The following ATP7B variants were observed in gnomAD, a reference collection of about 807,000 sequenced individuals.
The protein encoded by ATP7B is copper-transporting ATPase 2.
ATP7B carries 113 observed loss-of-function variants against 118.9 expected under a neutral mutation model. That is an observed-to-expected ratio of 0.95 (90% CI 0.82 to 1.11). The LOEUF (loss-of-function observed/expected upper bound fraction) is 1.11, where lower values mean the gene tolerates loss of function less well. ATP7B is among the 50% of genes most tolerant of loss of function. ATP7B has a pLI of 0.00. For missense variants in ATP7B, 1,867 were observed against 1,871.4 expected, an observed-to-expected ratio of 1.00 and a Z score of 0.04; for synonymous variants, 777 against 727.4, an observed-to-expected ratio of 1.07 and a Z score of -1.10.
chr13:51,987,710 C>CA (rs921565336), intron 1 of ATP7B, among the ~76,000 whole-genome samples: 1 of 152,178 alleles, frequency 6.6e-6, no homozygotes, highest in African/African-American at 2.4e-5. Context: ...GGTACCAAAA[C>CA]AGAGATATAG....
At chr13:51,965,867 G>T (rs1007915393) in intron 4 of ATP7B, among the ~76,000 whole-genome samples, 3 of 152,172 alleles carry the variant, frequency 2.0e-5, no homozygotes, top group African/African-American at 7.2e-5. Context: ...GGAGCTGCAT[G>T]CTGAAATTCG....
chr13:51,957,720 C>T, intron 8 of ATP7B, 113 bp from the exon 9 acceptor site: 1 of 1,001,732 alleles, frequency 1.0e-6, no homozygotes, highest in Non-Finnish European at 1.6e-6. Flanking sequence ...GAAACAGCCG[C>T]ACGGCACGAT....
chr13:51,952,561 T>C (rs959138841), intron 9 of ATP7B, among the ~76,000 whole-genome samples: 4 of 152,214 alleles, frequency 2.6e-5, no homozygotes, highest in Non-Finnish European at 4.4e-5. Flanking sequence ...GTGAGTCTTA[T>C]TACCCCCATT....
At chr13:51,989,657 G>T (rs757749866) in intron 1 of ATP7B, among the ~76,000 whole-genome samples, 1 of 152,114 alleles carries the variant, frequency 6.6e-6, no homozygotes, top group Non-Finnish European at 1.5e-5. Flanking sequence ...ATAAGACAGG[G>T]TATCGTCTCC....
intron 3 of ATP7B, among the ~76,000 whole-genome samples, chr13:51,969,621 AAAGG>A (rs1791628133): frequency 6.6e-6 from 1 of 152,206 alleles, no homozygotes; most frequent in South Asian, 2.1e-4. Context: ...CAAATAAATG[AAAGG>A]AAGGAAGTGC....
At chr13:51,995,961 G>A (rs144777204) in intron 1 of ATP7B, among the ~76,000 whole-genome samples, 79 of 152,260 alleles carry the variant, frequency 5.2e-4, no homozygotes, top group African/African-American at 1.6e-3. Flanking sequence ...TTGGCCATGT[G>A]CACTCCTAGA....
In ATP7B at chr13:51,977,331, C is replaced by A. The variant is rs1593800247; in HGVS notation, c.52-2163G>T. Among the ~76,000 whole-genome samples the A allele has an allele frequency of 2.6e-5, 4 of 151,816 alleles. No individual in the cohort carries two copies. In the South Asian group the frequency reaches 8.3e-4, roughly 31 times the overall value. On this transcript the variant is annotated intron_variant, in intron 1 of 20. Coordinates refer to ENST00000242839, the MANE Select transcript of ATP7B (RefSeq NM_000053.4). ...CAAATATTTTCTTTATATACTTATC[C>A]TATAAGCTTTTAAAATTTTTTTATT... is the stretch of plus-strand genomic sequence containing the variant.
At chr13:51,941,748 C>A (rs1172664201) in intron 15 of ATP7B, among the ~76,000 whole-genome samples, 1 of 152,184 alleles carries the variant, frequency 6.6e-6, no homozygotes, top group Non-Finnish European at 1.5e-5. Flanking sequence ...AACGGCCAGG[C>A]TCTGGAAGCT....
chr13:51,988,666 T>C (rs1566639672), intron 1 of ATP7B, among the ~76,000 whole-genome samples: 3 of 152,070 alleles, frequency 2.0e-5, no homozygotes, highest in Non-Finnish European at 4.4e-5. Flanking sequence ...CAAATGCCCA[T>C]TAATGATAGA....
intron 5 of ATP7B, among the ~76,000 whole-genome samples, chr13:51,962,956 G>A (rs1298261533): frequency 6.6e-6 from 1 of 152,082 alleles, no homozygotes; most frequent in Non-Finnish European, 1.5e-5. Context: ...GCCAGGCGTG[G>A]TGGTGCATAC....
At chr13:51,999,799 C>T (rs1234586298) in intron 1 of ATP7B, among the ~76,000 whole-genome samples, 2 of 152,318 alleles carry the variant, frequency 1.3e-5, no homozygotes, top group Middle Eastern at 3.4e-3. Flanking sequence ...CGTGCTGCCA[C>T]CTGGCAGTCC....
At position 51,968,758 on chromosome 13, in the gene ATP7B, G is replaced by A. The variant is rs190387609; in HGVS notation, c.1544-151C>T. 1.0e-5 allele frequency: 10 copies of A among 996,180 alleles called. No homozygotes were observed. The East Asian group carries it at 2.3e-4, about 23-fold the overall frequency. The allele number at this position is 996,180 out of a possible 1,614,324, so 61.7% of individuals were successfully genotyped here. A position where few individuals can be genotyped will look rare whatever the true frequency, so the allele number is the denominator to read the frequency against. On this transcript the variant is annotated intron_variant, in intron 3 of 20. Transcript: ENST00000242839. Reference sequence around the variant, plus strand: ...TGTTTGAAAATGAGGCTGCACATGAGGCTTGCTTGGAAAGCCTTCGACAAT... The same window carrying A: ...TGTTTGAAAATGAGGCTGCACATGAAGCTTGCTTGGAAAGCCTTCGACAAT...
At position 51,975,356 on chromosome 13, in the gene ATP7B, T is replaced by C. The variant is rs373596998; in HGVS notation, c.52-188A>G. ...TCTACAAAATGAAAGAGCTCTGACA[T>C]TCTTCTCTGACAGAAGCTAACTGTC... is the stretch of plus-strand genomic sequence containing the variant. On this transcript the variant is annotated intron_variant, in intron 1 of 20. Coordinates refer to ENST00000242839, the MANE Select transcript of ATP7B (RefSeq NM_000053.4). 1.3e-3 allele frequency: 1,074 copies of C among 816,726 alleles called. 3 individuals carry two copies. The highest frequency in any genetic ancestry group is 2.0e-3 in the Non-Finnish European group (939 of 471,834). 50.6% of individuals were successfully genotyped at this position (816,726 alleles called of 1,614,324 possible).
At chr13:52,004,053 T>A (rs1320953634) in intron 1 of ATP7B, among the ~76,000 whole-genome samples, 3 of 150,960 alleles carry the variant, frequency 2.0e-5, no homozygotes, top group Non-Finnish European at 4.4e-5. Context: ...AGGTCAGGAG[T>A]TCAAGACCAG....
intron 1 of ATP7B, among the ~76,000 whole-genome samples, chr13:51,988,192 G>T (rs1328910039): frequency 4.0e-5 from 6 of 150,718 alleles, no homozygotes; most frequent in Non-Finnish European, 5.9e-5. Flanking sequence ...GATCTACAAG[G>T]AACTTAAACA....
chr13:51,979,129 T>C (rs1952281694), intron 1 of ATP7B: 1 of 152,200 alleles, frequency 6.6e-6, no homozygotes, highest in South Asian at 2.1e-4. Context: ...GTGCAAGCTC[T>C]TATCAAACCT....
intron 14 of ATP7B, among the ~76,000 whole-genome samples, chr13:51,943,136 C>T (rs538663207): frequency 1.3e-5 from 2 of 152,276 alleles, no homozygotes; most frequent in South Asian, 4.1e-4. Flanking sequence ...GAGTTCACAT[C>T]CCACTTCTGT....
rs1287521874 is a variant in ATP7B at position 51,939,058 on chromosome 13, G to A, written c.3692C>T (p.Ala1231Val). 2.5e-6 allele frequency: 4 copies of A among 1,614,242 alleles called. No individual in the cohort carries two copies. The highest frequency in any genetic ancestry group is 1.1e-5 in the South Asian group (1 of 91,084). ...AACATTAAAGGGCTGTACCTGGGTG[G>A]CAATAGCTCTGGCTGTCTTCCGGTT... Reference protein sequence around the residue: ...GDNRKTARAIATQVGINKVFA... With the variant: ...GDNRKTARAIVTQVGINKVFA... The change falls in exon 17 of 21, where the codon GCC (alanine) becomes GTC (valine). Residue 1231 changes from alanine to valine, a missense_variant. Transcript: ENST00000242839.
intron 19 of ATP7B, among the ~76,000 whole-genome samples, chr13:51,936,716 G>A (rs1288154776): frequency 2.6e-5 from 4 of 151,936 alleles, no homozygotes; most frequent in Admixed American, 2.6e-4. Context: ...TTGTAGAGAT[G>A]GAGTCTCACC....
Sources: allele counts gnomAD v4.1 joint callset (sites outside exome capture counted in the v4.1 genomes callset), GRCh38; gene constraint gnomAD v4.1.1; transcripts MANE v1.5; gene names NCBI Gene and HGNC (gene_info 2026-07-23, HGNC 2026-07-21).